Variants in DLG2 observed in about 807,000 individuals in gnomAD.
DLG2 encodes the protein discs large MAGUK scaffold protein 2.
Under a neutral mutation model 132.5 loss-of-function variants are expected in DLG2, and 45 were observed. The observed-to-expected ratio is 0.34, with a 90% confidence interval of 0.27 to 0.44. DLG2 has a LOEUF of 0.44. Among genes scored for constraint, DLG2 ranks in the 20% least tolerant of loss-of-function variants. DLG2 has a pLI of 1.00. For synonymous variants in DLG2, 424 were observed against 419.6 expected, an observed-to-expected ratio of 1.01 and a Z score of -0.13; for missense variants, 1,045 against 1,196.9, an observed-to-expected ratio of 0.87 and a Z score of 1.87.
chr11:84,034,658 A>G (rs1045587509), intron 11 of DLG2, among the ~76,000 whole-genome samples: 7 of 152,320 alleles, frequency 4.6e-5, no homozygotes, highest in African/African-American at 1.7e-4. Flanking sequence ...GCTGAAATGC[A>G]GGAACAGAGT....
At chr11:85,116,821 T>C (rs1047562692) in intron 5 of DLG2, among the ~76,000 whole-genome samples, 1 of 152,032 alleles carries the variant, frequency 6.6e-6, no homozygotes, top group Admixed American at 6.6e-5. Flanking sequence ...CTATCTATAA[T>C]GTAATATAAT....
intron 3 of DLG2, among the ~76,000 whole-genome samples, chr11:85,462,736 C>G (rs1032038236): frequency 2.6e-5 from 4 of 151,676 alleles, no homozygotes; most frequent in Admixed American, 1.3e-4. Context: ...CACCAACATG[C>G]CACATGTATA....
chr11:85,363,441 G>A (rs192498136), intron 3 of DLG2, among the ~76,000 whole-genome samples: 7 of 152,270 alleles, frequency 4.6e-5, no homozygotes, highest in Middle Eastern at 3.4e-3. Flanking sequence ...TAAGGATGAC[G>A]ATTTCTTCTA....
intron 11 of DLG2, among the ~76,000 whole-genome samples, chr11:83,992,231 A>G (rs1024905170): frequency 2.6e-5 from 4 of 152,166 alleles, no homozygotes; most frequent in African/African-American, 9.7e-5. Flanking sequence ...TGTTACATCA[A>G]TAAATTAGAG....
At chr11:84,086,247 T>C (rs548904068) in intron 10 of DLG2, among the ~76,000 whole-genome samples, 1 of 152,264 alleles carries the variant, frequency 6.6e-6, no homozygotes, top group African/African-American at 2.4e-5. Context: ...TATGAAGAAG[T>C]TGTGAGCTTT....
intron 6 of DLG2, among the ~76,000 whole-genome samples, chr11:84,790,067 G>GAT (rs1215625792): frequency 2.0e-5 from 3 of 152,080 alleles, no homozygotes; most frequent in African/African-American, 4.8e-5. Context: ...ATATCTTTTC[G>GAT]ATATTCCTGT....
intron 5 of DLG2, among the ~76,000 whole-genome samples, chr11:85,151,172 G>T (rs1177055802): frequency 6.6e-6 from 1 of 152,138 alleles, no homozygotes; most frequent in Non-Finnish European, 1.5e-5. Context: ...TTTCTTTGGA[G>T]AATTTTCTAT....
Position 84,978,684 on chromosome 11 carries a change from A to T in DLG2, c.357+132977T>A, listed in dbSNP as rs540148541. Among the ~76,000 whole-genome samples the T allele has an allele frequency of 1.3e-4, 20 of 152,362 alleles. 1 individual carries two copies. In the South Asian group the frequency reaches 3.9e-3, roughly 30 times the overall value. ...TTAATTCAAGATGGATTAAAGATTTAAATTTAGACCTAAAACCATAAAAAC... is the reference window on the plus strand; with the variant it reads ...TTAATTCAAGATGGATTAAAGATTTTAATTTAGACCTAAAACCATAAAAAC... On this transcript the variant is annotated intron_variant, in intron 6 of 27. Coordinates refer to ENST00000376104, the MANE Select transcript of DLG2 (RefSeq NM_001142699.3).
At chr11:84,329,939 T>C (rs994810250) in intron 7 of DLG2, among the ~76,000 whole-genome samples, 1 of 152,248 alleles carries the variant, frequency 6.6e-6, no homozygotes, top group Admixed American at 6.5e-5. Context: ...CTGACCATTA[T>C]TAGCTATGAA....
intron 11 of DLG2, among the ~76,000 whole-genome samples, chr11:84,016,229 A>AT (rs1200882485): frequency 6.6e-6 from 1 of 151,430 alleles, no homozygotes; most frequent in Non-Finnish European, 1.5e-5. Flanking sequence ...TAATGTGGTT[A>AT]TTTTTTTCGT....
intron 3 of DLG2, among the ~76,000 whole-genome samples, chr11:85,289,964 A>C (rs2152768535): frequency 6.6e-6 from 1 of 152,292 alleles, no homozygotes; most frequent in South Asian, 2.1e-4. Flanking sequence ...CAATTCACTA[A>C]GTAGTTTTTA....
At chr11:83,899,067 T>C (rs12277425) in intron 15 of DLG2, among the ~76,000 whole-genome samples, 14,665 of 151,060 alleles carry the variant, frequency 0.097, 872 homozygotes, top group Middle Eastern at 0.2. Context: ...TTGCATACAG[T>C]GAATGAGGAT....
chr11:84,811,943 C>T (rs574016738), intron 6 of DLG2, among the ~76,000 whole-genome samples: 2 of 152,122 alleles, frequency 1.3e-5, no homozygotes, highest in African/African-American at 4.8e-5. Context: ...AGTGGGGAAC[C>T]TAACCCAGCC....
intron 3 of DLG2, among the ~76,000 whole-genome samples, chr11:85,420,725 A>G (rs895853306): frequency 6.6e-6 from 1 of 152,248 alleles, no homozygotes; most frequent in Admixed American, 6.5e-5. Flanking sequence ...AGCTTTGTTT[A>G]CACTGTGAGG....
intron 6 of DLG2, among the ~76,000 whole-genome samples, chr11:84,928,007 A>G (rs1229029532): frequency 1.3e-5 from 2 of 151,988 alleles, no homozygotes; most frequent in Non-Finnish European, 2.9e-5. Context: ...CTGAAGAAAG[A>G]GAGGAAAATT....
At chr11:84,366,522 T>C (rs1375443335) in intron 7 of DLG2, among the ~76,000 whole-genome samples, 2 of 152,018 alleles carry the variant, frequency 1.3e-5, no homozygotes, top group African/African-American at 2.4e-5. Flanking sequence ...GACTGGCAAA[T>C]TGGATAGAGT....
intron 18 of DLG2, among the ~76,000 whole-genome samples, chr11:83,662,745 G>A (rs745959027): frequency 2.6e-5 from 4 of 152,140 alleles, no homozygotes; most frequent in Non-Finnish European, 4.4e-5. Flanking sequence ...CAGGAAGCCC[G>A]AGAACTATAT....
At chr11:84,387,360 A>C (rs1320119138) in intron 7 of DLG2, among the ~76,000 whole-genome samples, 1 of 152,122 alleles carries the variant, frequency 6.6e-6, no homozygotes, top group Non-Finnish European at 1.5e-5. Flanking sequence ...ACCCAAAAGT[A>C]TAAAATTTTT....
chr11:85,323,372 A>G (rs1459434963), intron 3 of DLG2, among the ~76,000 whole-genome samples: 2 of 152,112 alleles, frequency 1.3e-5, no homozygotes, highest in African/African-American at 4.8e-5. Flanking sequence ...CTTTCTTTTT[A>G]TTTTTTGACA....
Sources: allele counts gnomAD v4.1 joint callset (sites outside exome capture counted in the v4.1 genomes callset), GRCh38; gene constraint gnomAD v4.1.1; transcripts MANE v1.5; gene names NCBI Gene and HGNC (gene_info 2026-07-23, HGNC 2026-07-21).